FCHSD2: variants seen among roughly 807,000 people sequenced by gnomAD.
The protein encoded by FCHSD2 is FCH and double SH3 domains 2.
FCHSD2 carries 38 observed loss-of-function variants against 108.1 expected under a neutral mutation model. That is an observed-to-expected ratio of 0.35 (90% confidence interval 0.27 to 0.46). The LOEUF (loss-of-function observed/expected upper bound fraction) is 0.46. Among genes scored for constraint, FCHSD2 ranks in the 20% least tolerant of loss-of-function variants. The pLI is 1.00. For missense variants in FCHSD2, 751 were observed against 897.8 expected (o/e 0.84, Z 2.09); for synonymous variants, 279 against 314.7 (o/e 0.89, Z 1.20).
intron 2 of FCHSD2, among the ~76,000 whole-genome samples, chr11:73,093,047 G>A (rs1357664794): frequency 2.0e-5 from 3 of 152,110 alleles, no homozygotes; most frequent in Non-Finnish European, 4.4e-5. Flanking sequence ...GGAGGCTAAG[G>A]CCAGCCGCAT....
chr11:73,116,598 T>C (rs1261410032), intron 2 of FCHSD2, among the ~76,000 whole-genome samples: 6 of 152,158 alleles, frequency 3.9e-5, no homozygotes, highest in Non-Finnish European at 8.8e-5. Context: ...TGGAGTGCAG[T>C]TGTGTGGTCA....
chr11:73,075,778 G>C (rs1178509740), intron 3 of FCHSD2, among the ~76,000 whole-genome samples: 1 of 150,276 alleles, frequency 6.7e-6, no homozygotes, highest in Non-Finnish European at 1.5e-5. Context: ...TCATACCACT[G>C]ACAAGACTGT....
chr11:73,139,957 C>A, intron 2 of FCHSD2, 74 bp downstream of exon 2: 1 of 784,382 alleles, frequency 1.3e-6, no homozygotes, highest in South Asian at 2.0e-5. Flanking sequence ...ATCATCAGTT[C>A]CTGGGGCTTG....
rs529979603 is a variant in FCHSD2, at chr11:73,112,072, T to G, written c.119+27959A>C. ...TAAAATTGTTTTTCTGTGTACTTAC[T>G]ATTACCAGTGAGTTTTGTACCTTTA... On this transcript the variant is annotated intron_variant, in intron 2 of 19. Coordinates refer to ENST00000409418, the MANE Select transcript of FCHSD2 (RefSeq NM_014824.3). 3.4e-4 allele frequency among the ~76,000 whole-genome samples: 52 copies of G among 152,368 alleles called. 1 individual carries two copies. In the South Asian group the frequency reaches 0.011, roughly 32 times the overall value.
At chr11:73,019,536 T>C (rs1311805983) in intron 3 of FCHSD2, among the ~76,000 whole-genome samples, 1 of 152,174 alleles carries the variant, frequency 6.6e-6, no homozygotes, top group Non-Finnish European at 1.5e-5. Flanking sequence ...ACCACAAAGC[T>C]AAACTGTATT....
chr11:72,918,864 T>C (rs1317554136), intron 9 of FCHSD2, among the ~76,000 whole-genome samples: 2 of 152,124 alleles, frequency 1.3e-5, no homozygotes, highest in Non-Finnish European at 2.9e-5. Flanking sequence ...AGAGCTACCT[T>C]CAGAGTTACT....
intron 2 of FCHSD2, among the ~76,000 whole-genome samples, chr11:73,138,876 G>A (rs1392820904): frequency 3.3e-5 from 5 of 152,118 alleles, no homozygotes; most frequent in Non-Finnish European, 5.9e-5. Flanking sequence ...CCAAAGTGCT[G>A]GGATTACAGG....
chr11:73,090,731 A>C (rs1173727640), intron 2 of FCHSD2, among the ~76,000 whole-genome samples: 1 of 152,214 alleles, frequency 6.6e-6, no homozygotes. Flanking sequence ...ATTTGAATGT[A>C]AACTATGTGC....
chr11:72,989,659 C>G (rs548992252), intron 5 of FCHSD2, among the ~76,000 whole-genome samples: 1 of 152,138 alleles, frequency 6.6e-6, no homozygotes, highest in Non-Finnish European at 1.5e-5. Context: ...TCCGTGGATA[C>G]ACATATACAT....
At position 73,069,310 on chromosome 11, in the gene FCHSD2, C is replaced by CAA. The variant is rs369961395; in HGVS notation, c.165+14383_165+14384dup. Among the ~76,000 whole-genome samples, 400 of 43,682 alleles carry CAA rather than the reference C, an allele frequency of 9.2e-3. 2 individuals are homozygous for CAA. The highest frequency in any genetic ancestry group is 0.019 in the African/African-American group (222 of 11,452). 28.7% of individuals were successfully genotyped at this position (43,682 alleles called of 152,430 possible). ...TGGGTGACAGAGCAAAACTCTGTCTCAAAAAAAAAAAAAAAAAAAAAAGAC... is the reference window on the plus strand; with the variant it reads ...TGGGTGACAGAGCAAAACTCTGTCTCAAAAAAAAAAAAAAAAAAAAAAAAGAC... On this transcript the variant is annotated intron_variant, in intron 3 of 19. Transcript: ENST00000409418.
chr11:72,932,552 G>A (rs937162652), intron 8 of FCHSD2, among the ~76,000 whole-genome samples: 2 of 151,924 alleles, frequency 1.3e-5, no homozygotes, highest in African/African-American at 4.8e-5. Context: ...TTTTGCCTCT[G>A]AGCTTTCACA....
intron 9 of FCHSD2, among the ~76,000 whole-genome samples, chr11:72,919,298 C>T (rs1005635502): frequency 1.3e-5 from 2 of 152,110 alleles, no homozygotes; most frequent in Non-Finnish European, 2.9e-5. Flanking sequence ...TTATTCCTAC[C>T]ACTTTCAATT....
intron 3 of FCHSD2, among the ~76,000 whole-genome samples, chr11:73,051,609 A>T (rs1313387968): frequency 1.3e-5 from 2 of 152,192 alleles, no homozygotes; most frequent in Non-Finnish European, 2.9e-5. Flanking sequence ...TATTTTACAC[A>T]AAAGTATGAC....
chr11:73,045,436 A>G (rs1858738309), intron 3 of FCHSD2, among the ~76,000 whole-genome samples: 1 of 151,846 alleles, frequency 6.6e-6, no homozygotes, highest in African/African-American at 2.4e-5. Flanking sequence ...CCAAAGGACT[A>G]TAAATCATGC....
At chr11:72,878,418 C>A (rs1855013916) in intron 12 of FCHSD2, among the ~76,000 whole-genome samples, 1 of 152,178 alleles carries the variant, frequency 6.6e-6, no homozygotes, top group South Asian at 2.1e-4. Context: ...ACACTTAGAA[C>A]AATAAGCACC....
At chr11:72,952,756 T>C (rs1856643094) in intron 8 of FCHSD2, among the ~76,000 whole-genome samples, 1 of 152,242 alleles carries the variant, frequency 6.6e-6, no homozygotes, top group Non-Finnish European at 1.5e-5. Flanking sequence ...ACAGAACACC[T>C]ACTATGTGCC....
At chr11:73,050,040 T>G (rs146092450) in intron 3 of FCHSD2, among the ~76,000 whole-genome samples, 72 of 152,356 alleles carry the variant, frequency 4.7e-4, no homozygotes, top group Non-Finnish European at 8.7e-4. Flanking sequence ...CAGGCCTCTC[T>G]ATATAAGAAG....
At chr11:73,118,845 A>G (rs1043643213) in intron 2 of FCHSD2, among the ~76,000 whole-genome samples, 1 of 152,208 alleles carries the variant, frequency 6.6e-6, no homozygotes, top group African/African-American at 2.4e-5. Flanking sequence ...GCACATAAGT[A>G]ACTTACCCAA....
intron 3 of FCHSD2, among the ~76,000 whole-genome samples, chr11:73,034,075 T>A (rs933936194): frequency 2.6e-4 from 40 of 152,310 alleles, no homozygotes; most frequent in Non-Finnish European, 5.6e-4. Flanking sequence ...TTTTCTTTTT[T>A]AAAAAATTAT....
Sources: gnomAD v4.1 joint callset for allele counts (sites outside exome capture counted in the v4.1 genomes callset) on GRCh38, gnomAD v4.1.1 for gene constraint, MANE v1.5 for transcripts, NCBI Gene and HGNC (gene_info 2026-07-23, HGNC 2026-07-21) for gene names.